Variants in FRMPD4 observed in about 807,000 individuals in gnomAD.
FRMPD4 encodes the protein FERM and PDZ domain-containing protein 4.
In FRMPD4, 22 loss-of-function variants were observed where a neutral mutation model predicts 94.1. The ratio of observed to expected loss-of-function variants is 0.23; its 90% CI spans 0.17 to 0.33. The LOEUF is 0.33. Ranked by LOEUF, FRMPD4 falls within the 10% of genes least tolerant of loss-of-function variation. The pLI is 1.00. For missense variants in FRMPD4, 1,111 were observed against 1,339.9 expected (o/e 0.83, Z 2.67); for synonymous variants, 631 against 548.6 (o/e 1.15, Z -2.10).
At chrX:12,604,540 C>T (rs903148430) in intron 2 of FRMPD4, among the ~76,000 whole-genome samples, 1 of 111,932 alleles carries the variant, frequency 8.9e-6, no homozygotes, top group Admixed American at 9.5e-5. Flanking sequence ...AGTTGGGCTG[C>T]AAGTATTTTA....
intron 2 of FRMPD4, among the ~76,000 whole-genome samples, chrX:12,568,839 A>G (rs957650276): frequency 7.2e-5 from 8 of 111,820 alleles, no homozygotes; most frequent in African/African-American, 2.6e-4. Flanking sequence ...CAAGGAAGAT[A>G]CGCATTTCAG....
At chrX:12,258,001 C>T (rs1459224358) in intron 1 of FRMPD4, among the ~76,000 whole-genome samples, 3 of 110,060 alleles carry the variant, frequency 2.7e-5, no homozygotes, top group Non-Finnish European at 5.7e-5. Context: ...TCTAGATTCC[C>T]TCTCATCCTG....
intron 2 of FRMPD4, among the ~76,000 whole-genome samples, chrX:12,534,974 G>A (rs1426567259): frequency 1.8e-5 from 2 of 111,596 alleles, no homozygotes; most frequent in Non-Finnish European, 3.8e-5. Context: ...TGGTTTGGCT[G>A]TGTCCCCACC....
intron 4 of FRMPD4, among the ~76,000 whole-genome samples, chrX:12,635,733 T>G (rs1309898934): frequency 9.0e-6 from 1 of 111,602 alleles, no homozygotes; most frequent in Non-Finnish European, 1.9e-5. Flanking sequence ...AATAAATGAA[T>G]AGACTGAAGC....
At chrX:12,302,234 A>G (rs1019227105) in intron 1 of FRMPD4, among the ~76,000 whole-genome samples, 2 of 111,871 alleles carry the variant, frequency 1.8e-5, no homozygotes, top group Non-Finnish European at 3.8e-5. Flanking sequence ...TCTTTTGGCA[A>G]TCTTGCTCTG....
At chrX:12,675,485 T>C (rs1160446558) in intron 5 of FRMPD4, among the ~76,000 whole-genome samples, 3 of 110,268 alleles carry the variant, frequency 2.7e-5, no homozygotes, top group African/African-American at 9.9e-5. Context: ...AATTCATCCA[T>C]TTTCAGTGTA....
At chrX:12,440,205 G>A (rs185799401) in intron 1 of FRMPD4, among the ~76,000 whole-genome samples, 13 of 111,990 alleles carry the variant, frequency 1.2e-4, no homozygotes, top group Admixed American at 1.0e-3. Flanking sequence ...CCCAAATATT[G>A]CATACAACCT....
chrX:12,138,063 T>A (rs1455201704), upstream of FRMPD4, among the ~76,000 whole-genome samples: 1 of 111,981 alleles, frequency 8.9e-6, no homozygotes, highest in Non-Finnish European at 1.9e-5. Context: ...GCGGTGCTGC[T>A]GTCCAAAGAC....
intron 1 of FRMPD4, among the ~76,000 whole-genome samples, chrX:12,253,878 A>G (rs191651392): frequency 9.0e-6 from 1 of 111,639 alleles, no homozygotes; most frequent in East Asian, 2.8e-4. Flanking sequence ...ACAAGGGAAT[A>G]TTATCAGGAG....
chrX:12,389,354 G>T (rs1340843447), intron 1 of FRMPD4, among the ~76,000 whole-genome samples: 1 of 108,821 alleles, frequency 9.2e-6, no homozygotes. Flanking sequence ...GCATACCTGC[G>T]ATCACAGCTA....
chrX:12,301,006 A>G (rs752768886), intron 1 of FRMPD4, among the ~76,000 whole-genome samples: 1 of 111,884 alleles, frequency 8.9e-6, no homozygotes, highest in South Asian at 3.8e-4. Flanking sequence ...TTCACCAAAG[A>G]GCAGAAGTGT....
At chrX:12,720,449 C>T in intron 16 of FRMPD4, 85 bp from the exon 17 acceptor site, 1 of 987,906 alleles carries the variant, frequency 1.0e-6, no homozygotes, top group Non-Finnish European at 1.4e-6. Context: ...TGAGAAATGA[C>T]AGACATCATG....
At chrX:11,926,269 A>G (rs11095561) in intron 3 of FRMPD4, among the ~76,000 whole-genome samples, 100 of 99,360 alleles carry the variant, frequency 1.0e-3, no homozygotes, top group Middle Eastern at 5.4e-3. Flanking sequence ...AAAAAAAAAA[A>G]AAAAAAAAAA....
chrX:12,296,132 C>A (rs902553639), intron 1 of FRMPD4, among the ~76,000 whole-genome samples: 2 of 110,890 alleles, frequency 1.8e-5, no homozygotes, highest in Non-Finnish European at 1.9e-5. Context: ...TGTCAAATGT[C>A]CCCTGGGGAA....
intron 1 of FRMPD4, among the ~76,000 whole-genome samples, chrX:12,457,709 G>T (rs954261728): frequency 6.3e-5 from 7 of 111,954 alleles, no homozygotes; most frequent in South Asian, 3.7e-4. Context: ...GAAGTATTAC[G>T]TTAAAGAACC....
At chrX:12,116,157 C>A (rs1156583537) in intron 3 of FRMPD4, among the ~76,000 whole-genome samples, 1 of 111,828 alleles carries the variant, frequency 8.9e-6, no homozygotes, top group African/African-American at 3.2e-5. Flanking sequence ...CGCTTCCCAG[C>A]CTGTTCCCAT....
chrX:12,594,882 G>A (rs1344618004), intron 2 of FRMPD4, among the ~76,000 whole-genome samples: 1 of 111,634 alleles, frequency 9.0e-6, no homozygotes, highest in Non-Finnish European at 1.9e-5. Flanking sequence ...GGTTCAGTGG[G>A]GACTCCCTTC....
intron 5 of FRMPD4, among the ~76,000 whole-genome samples, chrX:12,680,468 G>C (rs1394331313): frequency 1.8e-5 from 2 of 112,191 alleles, no homozygotes; most frequent in African/African-American, 3.2e-5. Context: ...AGTAACTCTA[G>C]CCAGTGGAAT....
intron 1 of FRMPD4, among the ~76,000 whole-genome samples, chrX:12,460,615 A>G (rs2057381298): frequency 8.9e-6 from 1 of 112,429 alleles, no homozygotes; most frequent in Non-Finnish European, 1.9e-5. Flanking sequence ...GGTTTCCCCC[A>G]AACTACTGAA....
Sources: allele counts gnomAD v4.1 joint callset (sites outside exome capture counted in the v4.1 genomes callset), GRCh38; gene constraint gnomAD v4.1.1; transcripts MANE v1.5; gene names NCBI Gene and HGNC (gene_info 2026-07-23, HGNC 2026-07-21).